FHIT: variants seen among roughly 807,000 people sequenced by gnomAD.
FHIT encodes the protein fragile histidine triad diadenosine triphosphatase.
A neutral mutation model predicts 17.9 loss-of-function variants in FHIT; 19 were observed. The observed-to-expected ratio is 1.06, with a 90% CI of 0.74 to 1.56. FHIT has a LOEUF of 1.56. Ranked by LOEUF, FHIT falls within the 40% of genes most tolerant of loss-of-function variation. FHIT has a pLI of 0.00. For synonymous variants in FHIT, 81 were observed against 69.7 expected (o/e 1.16, Z -0.81); for missense variants, 248 against 189.2 (o/e 1.31, Z -1.82).
intron 5 of FHIT, among the ~76,000 whole-genome samples, chr3:60,459,104 A>G (rs1411802957): frequency 1.3e-5 from 2 of 152,170 alleles, no homozygotes; most frequent in Admixed American, 1.3e-4. Flanking sequence ...TGGTGGAAAG[A>G]AAAGCATTTT....
intron 5 of FHIT, among the ~76,000 whole-genome samples, chr3:60,074,529 G>C (rs6446106): frequency 1 from 152,152 of 152,166 alleles, 76,069 homozygotes; most frequent in Middle Eastern, 1. Context: ...CAGCAAATGT[G>C]TGGATTTTAG....
At chr3:60,762,586 T>C (rs1245158486) in intron 4 of FHIT, among the ~76,000 whole-genome samples, 2 of 152,218 alleles carry the variant, frequency 1.3e-5, no homozygotes, top group South Asian at 2.1e-4. Flanking sequence ...TCTAGCAGTA[T>C]GTGACAGTTA....
chr3:61,024,614 G>T (rs2032635107), intron 3 of FHIT, among the ~76,000 whole-genome samples: 1 of 152,014 alleles, frequency 6.6e-6, no homozygotes, highest in South Asian at 2.1e-4. Flanking sequence ...TCAAGAAGCT[G>T]GTTATGACTA....
intron 2 of FHIT, among the ~76,000 whole-genome samples, chr3:61,104,966 A>G (rs2035947747): frequency 6.6e-6 from 1 of 152,022 alleles, no homozygotes; most frequent in Non-Finnish European, 1.5e-5. Context: ...TCACCTACTG[A>G]ATTGTTTTAT....
chr3:61,174,238 A>G (rs536939356), intron 2 of FHIT, among the ~76,000 whole-genome samples: 138 of 152,246 alleles, frequency 9.1e-4, no homozygotes, highest in Non-Finnish European at 1.6e-3. Flanking sequence ...AAGATCTTGC[A>G]CTACATATAA....
At chr3:59,973,003 T>C (rs1708255871) in intron 7 of FHIT, among the ~76,000 whole-genome samples, 1 of 152,068 alleles carries the variant, frequency 6.6e-6, no homozygotes. Flanking sequence ...CCCTCCCAGT[T>C]GAATACCAAC....
intron 4 of FHIT, among the ~76,000 whole-genome samples, chr3:60,745,998 A>G (rs926375835): frequency 6.6e-6 from 1 of 152,208 alleles, no homozygotes; most frequent in Non-Finnish European, 1.5e-5. Context: ...CAGCATTGAC[A>G]AGAAAGATGA....
chr3:61,109,212 G>A (rs1239049643), intron 2 of FHIT, among the ~76,000 whole-genome samples: 8 of 152,186 alleles, frequency 5.3e-5, no homozygotes, highest in Non-Finnish European at 1.0e-4. Flanking sequence ...GAACATGTGT[G>A]TATGGCAAAC....
chr3:60,560,630 C>A (rs146611740), intron 4 of FHIT, among the ~76,000 whole-genome samples: 44 of 152,162 alleles, frequency 2.9e-4, no homozygotes, highest in African/African-American at 1.0e-3. Flanking sequence ...ACCAGGCAGG[C>A]CTTATCTGGC....
intron 8 of FHIT, among the ~76,000 whole-genome samples, chr3:59,835,915 CG>C (rs1701323249): frequency 6.6e-6 from 1 of 152,086 alleles, no homozygotes; most frequent in African/African-American, 2.4e-5. Flanking sequence ...GAGCCCTAGT[CG>C]CTTAAGAGTA....
At chr3:60,925,441 T>A (rs758993540) in intron 3 of FHIT, among the ~76,000 whole-genome samples, 2 of 152,168 alleles carry the variant, frequency 1.3e-5, no homozygotes, top group Non-Finnish European at 2.9e-5. Context: ...CAACCCAGAA[T>A]TTCATATCTA....
intron 4 of FHIT, among the ~76,000 whole-genome samples, chr3:60,619,219 AT>A (rs2107748557): frequency 6.6e-6 from 1 of 152,326 alleles, no homozygotes; most frequent in South Asian, 2.1e-4. Context: ...CTGTTCTAGA[AT>A]CACTGTCGTT....
intron 5 of FHIT, among the ~76,000 whole-genome samples, chr3:60,217,535 T>C (rs1703751573): frequency 6.6e-6 from 1 of 152,202 alleles, no homozygotes. Context: ...AATTGGGTCA[T>C]ATCACCCTAA....
intron 5 of FHIT, among the ~76,000 whole-genome samples, chr3:60,290,139 C>A (rs1707914580): frequency 6.6e-6 from 1 of 152,086 alleles, no homozygotes; most frequent in African/African-American, 2.4e-5. Flanking sequence ...TGACACCAGG[C>A]CCCTCTGTGT....
intron 5 of FHIT, among the ~76,000 whole-genome samples, chr3:60,165,695 C>T (rs1701142066): frequency 6.6e-6 from 1 of 152,174 alleles, no homozygotes; most frequent in Non-Finnish European, 1.5e-5. Context: ...GCCTCTTCTC[C>T]TCTCCTTAAA....
At chr3:59,834,589 T>C (rs1394336079) in intron 8 of FHIT, among the ~76,000 whole-genome samples, 1 of 152,116 alleles carries the variant, frequency 6.6e-6, no homozygotes, top group African/African-American at 2.4e-5. Flanking sequence ...AGGTTGTAGA[T>C]TGTCAACTTT....
intron 5 of FHIT, among the ~76,000 whole-genome samples, chr3:60,451,348 C>G (rs1398514879): frequency 6.6e-6 from 1 of 152,028 alleles, no homozygotes; most frequent in East Asian, 1.9e-4. Flanking sequence ...AAATCTTCAC[C>G]TTTTCTCCCT....
At chr3:60,345,102 C>G (rs922993831) in intron 5 of FHIT, among the ~76,000 whole-genome samples, 2 of 152,152 alleles carry the variant, frequency 1.3e-5, no homozygotes, top group African/African-American at 4.8e-5. Context: ...CCCCATACTT[C>G]ACAAATTTTA....
At chr3:59,966,141 G>A (rs1707915371) in intron 7 of FHIT, among the ~76,000 whole-genome samples, 1 of 152,160 alleles carries the variant, frequency 6.6e-6, no homozygotes, top group Non-Finnish European at 1.5e-5. Context: ...TACAGCAGAG[G>A]TATTCTAACA....
Sources: gnomAD v4.1 joint callset for allele counts (sites outside exome capture counted in the v4.1 genomes callset) on GRCh38, gnomAD v4.1.1 for gene constraint, MANE v1.5 for transcripts, NCBI Gene and HGNC (gene_info 2026-07-23, HGNC 2026-07-21) for gene names.